ST8SIA1: variants seen among roughly 807,000 people sequenced by gnomAD.
The protein encoded by ST8SIA1 is ST8 alpha-N-acetyl-neuraminide alpha-2,8-sialyltransferase 1, also known as alpha-N-acetylneuraminide alpha-2,8-sialyltransferase.
A neutral mutation model predicts 35.9 loss-of-function variants in ST8SIA1; 16 were observed. The observed-to-expected ratio is 0.45, with a 90% CI of 0.30 to 0.68. The LOEUF (loss-of-function observed/expected upper bound fraction) is 0.68, where lower values mean the gene tolerates loss of function less well. Ranked by LOEUF, ST8SIA1 falls within the 30% of genes least tolerant of loss-of-function variation. The pLI, the probability that ST8SIA1 is intolerant of heterozygous loss-of-function variation, is 0.09. For synonymous variants in ST8SIA1, 170 were observed against 169.6 expected, an observed-to-expected ratio of 1.00 and a Z score of -0.02; for missense variants, 383 against 453.6, an observed-to-expected ratio of 0.84 and a Z score of 1.41.
chr12:22,308,254 T>C (rs897712775), intron 1 of ST8SIA1, among the ~76,000 whole-genome samples: 4 of 152,182 alleles, frequency 2.6e-5, no homozygotes, highest in African/African-American at 9.7e-5. Context: ...CTATTAAAAA[T>C]TTGAAAGTTA....
chr12:22,210,549 C>A (rs1157162679), intron 4 of ST8SIA1, among the ~76,000 whole-genome samples: 2 of 152,092 alleles, frequency 1.3e-5, no homozygotes, highest in African/African-American at 2.4e-5. Flanking sequence ...CTAGAGATAG[C>A]GTCAGACCCC....
At chr12:22,228,114 A>G (rs774659918) in intron 4 of ST8SIA1, among the ~76,000 whole-genome samples, 1 of 152,200 alleles carries the variant, frequency 6.6e-6, no homozygotes, top group Non-Finnish European at 1.5e-5. Context: ...TGTATTGTGA[A>G]GTATGGTTGT....
chr12:22,245,186 A>G (rs1396146269), intron 4 of ST8SIA1, among the ~76,000 whole-genome samples: 1 of 152,188 alleles, frequency 6.6e-6, no homozygotes, highest in East Asian at 1.9e-4. Context: ...TAGGATTTCT[A>G]TTGGAATTTC....
At position 22,196,377 on chromosome 12, in the gene ST8SIA1, C is replaced by T. The variant is rs1447330815; in HGVS notation, c.*5175G>A. 1 of 152,154 alleles carries T rather than the reference C, an allele frequency of 6.6e-6. No homozygotes were observed. The highest frequency in any genetic ancestry group is 2.4e-5 in the African/African-American group (1 of 41,418). 9.4% of individuals were successfully genotyped at this position (152,154 alleles called of 1,614,324 possible). A position where few individuals can be genotyped will look rare whatever the true frequency, so the allele number is the denominator to read the frequency against. ...TTTTCATTCATGCACTTGTTTCAAT[C>T]TCTCACCCCTAAGATGTATGTAAAA... On this transcript the variant is annotated 3_prime_UTR_variant, in exon 5 of 5. Coordinates refer to ENST00000396037, the MANE Select transcript of ST8SIA1 (RefSeq NM_003034.4).
Position 22,287,307 on chromosome 12 carries a change from C to G in ST8SIA1, c.237-14G>C, listed in dbSNP as rs760430804. The G allele has an allele frequency of 6.2e-7, 1 of 1,606,704 alleles. No homozygotes were observed. The highest frequency in any genetic ancestry group is 8.5e-7 in the Non-Finnish European group (1 of 1,176,610). On this transcript the variant is annotated splice_polypyrimidine_tract_variant and intron_variant, in intron 1 of 4. Coordinates refer to ENST00000396037, the MANE Select transcript of ST8SIA1 (RefSeq NM_003034.4). ...TCCATTTGTTTCCTAGGAGAGAAAA[C>G]AGAGAGAGAGAAAAGAACAGCAGGT...
chr12:22,276,515 G>C, intron 2 of ST8SIA1, among the ~76,000 whole-genome samples: 1 of 152,150 alleles, frequency 6.6e-6, no homozygotes, highest in East Asian at 1.9e-4. Context: ...GGGCTGCCTG[G>C]GGGAGGCAGT....
intron 2 of ST8SIA1, among the ~76,000 whole-genome samples, chr12:22,267,713 A>G (rs1865864466): frequency 6.6e-6 from 1 of 152,208 alleles, no homozygotes; most frequent in Non-Finnish European, 1.5e-5. Flanking sequence ...TTTCAGAGAC[A>G]CATGGAATTC....
intron 3 of ST8SIA1, chr12:22,250,811 G>C (rs755477132): frequency 6.6e-6 from 1 of 152,122 alleles, no homozygotes; most frequent in Non-Finnish European, 1.5e-5. Context: ...TCTGCTCTTC[G>C]GTGATAAGAT....
chr12:22,322,527 T>C (rs1020052192), intron 1 of ST8SIA1, among the ~76,000 whole-genome samples: 2 of 152,208 alleles, frequency 1.3e-5, no homozygotes, highest in Non-Finnish European at 2.9e-5. Flanking sequence ...TTTCAGATAA[T>C]CTGATGTTTT....
intron 1 of ST8SIA1, among the ~76,000 whole-genome samples, chr12:22,331,539 T>G (rs140468793): frequency 6.6e-6 from 1 of 152,314 alleles, no homozygotes; most frequent in East Asian, 1.9e-4. Context: ...CAGAAGATGT[T>G]TCAGACTGGA....
chr12:22,298,185 A>C (rs1431157634), intron 1 of ST8SIA1, among the ~76,000 whole-genome samples: 1 of 152,128 alleles, frequency 6.6e-6, no homozygotes, highest in East Asian at 1.9e-4. Flanking sequence ...ATCCTTCATA[A>C]TATCCTGTAT....
At chr12:22,211,836 C>G (rs531112733) in intron 4 of ST8SIA1, among the ~76,000 whole-genome samples, 1 of 152,142 alleles carries the variant, frequency 6.6e-6, no homozygotes, top group South Asian at 2.1e-4. Context: ...ATCAGCCTCC[C>G]GAGTAGCTGG....
chr12:22,214,682 A>C (rs35335972), intron 4 of ST8SIA1, among the ~76,000 whole-genome samples: 16,274 of 152,208 alleles, frequency 0.11, 1,123 homozygotes, highest in Middle Eastern at 0.21. Flanking sequence ...AAAACATATA[A>C]TAGATAGGGC....
intron 4 of ST8SIA1, among the ~76,000 whole-genome samples, chr12:22,203,854 G>T (rs1002029119): frequency 5.9e-5 from 9 of 151,770 alleles, no homozygotes; most frequent in Admixed American, 5.9e-4. Flanking sequence ...TTGAGCCATT[G>T]GTTCTCACAC....
intron 2 of ST8SIA1, among the ~76,000 whole-genome samples, chr12:22,257,283 C>T (rs1865738462): frequency 6.6e-6 from 1 of 151,952 alleles, no homozygotes; most frequent in African/African-American, 2.4e-5. Context: ...ATGATCTCGG[C>T]TCACTGCAAC....
chr12:22,291,336 G>C (rs1021981200), intron 1 of ST8SIA1, among the ~76,000 whole-genome samples: 11 of 152,178 alleles, frequency 7.2e-5, no homozygotes, highest in African/African-American at 1.9e-4. Flanking sequence ...TTGGGAGGCT[G>C]CCACTCCAAT....
At chr12:22,314,679 G>T (rs1042723054) in intron 1 of ST8SIA1, among the ~76,000 whole-genome samples, 6 of 152,038 alleles carry the variant, frequency 3.9e-5, no homozygotes, top group Non-Finnish European at 1.5e-5. Flanking sequence ...TATTCTGGAG[G>T]ATTTTCTGTT....
At chr12:22,212,352 C>G (rs968690789) in intron 4 of ST8SIA1, among the ~76,000 whole-genome samples, 1 of 152,156 alleles carries the variant, frequency 6.6e-6, no homozygotes, top group Non-Finnish European at 1.5e-5. Context: ...GGACCATTTT[C>G]CATGTTCATG....
chr12:22,312,714 A>G (rs1322922882), intron 1 of ST8SIA1, among the ~76,000 whole-genome samples: 2 of 119,198 alleles, frequency 1.7e-5, no homozygotes, highest in Admixed American at 7.7e-5. Flanking sequence ...CACGGAAATG[A>G]AAAAAAAAAA....
Sources: allele counts gnomAD v4.1 joint callset (sites outside exome capture counted in the v4.1 genomes callset), GRCh38; gene constraint gnomAD v4.1.1; transcripts MANE v1.5; gene names NCBI Gene and HGNC (gene_info 2026-07-23, HGNC 2026-07-21).